Variants in TRMT11 observed in about 807,000 individuals in gnomAD.
TRMT11 encodes the protein tRNA methyltransferase 11, also known as tRNA (guanine(10)-N(2))-methyltransferase TRMT11.
Under a neutral mutation model 62.8 loss-of-function variants are expected in TRMT11, and 53 were observed. The ratio of observed to expected loss-of-function variants is 0.84; its 90% CI spans 0.68 to 1.06. TRMT11 has a LOEUF of 1.06. Ranked by LOEUF, TRMT11 falls within the 50% of genes least tolerant of loss-of-function variation. The pLI is 0.00. For missense variants in TRMT11, 556 were observed against 553.4 expected (o/e 1.00, Z -0.05); for synonymous variants, 188 against 190.3 (o/e 0.99, Z 0.10).
chr6:126,213,106 T>A, the TRMT11 span, among the ~76,000 whole-genome samples: 1 of 152,122 alleles, frequency 6.6e-6, no homozygotes, highest in East Asian at 1.9e-4. Flanking sequence ...TACCAGGTTC[T>A]CTATTCTGTT....
chr6:126,193,605 G>A (rs966474561), intron 1 of TRMT11, among the ~76,000 whole-genome samples: 2 of 145,582 alleles, frequency 1.4e-5, no homozygotes, highest in Non-Finnish European at 3.0e-5. Context: ...CCATTCTCCT[G>A]CCTCAGCCTC....
intron 21 of TRMT11, among the ~76,000 whole-genome samples, chr6:126,160,704 A>G (rs530195192): frequency 3.3e-5 from 5 of 152,242 alleles, no homozygotes; most frequent in Admixed American, 1.3e-4. Context: ...CCTCACAGAC[A>G]TGACGAGACC....
rs1361748026 is a variant in TRMT11 at position 126,184,858 on chromosome 6, A to T, written n.143+7523A>T. On this transcript the variant is annotated intron_variant and non_coding_transcript_variant, in intron 1 of 3. Coordinates refer to the TRMT11 transcript ENST00000444229. ...ATAGTAACTAGGGTTAAATGCAATCAGAGGCAGCCTGACAAAGAATTTCCT... is the reference window on the plus strand; with the variant it reads ...ATAGTAACTAGGGTTAAATGCAATCTGAGGCAGCCTGACAAAGAATTTCCT... Among the ~76,000 whole-genome samples the T allele has an allele frequency of 2.0e-5, 3 of 152,228 alleles. No individual in the cohort carries two copies. The East Asian group carries it at 5.8e-4, about 29-fold the overall frequency.
At chr6:126,158,341 A>G (rs1166751256) in intron 21 of TRMT11, among the ~76,000 whole-genome samples, 1 of 152,142 alleles carries the variant, frequency 6.6e-6, no homozygotes, top group Non-Finnish European at 1.5e-5. Flanking sequence ...TGCTCATGGT[A>G]TAGTTTGGTA....
intron 16 of TRMT11, among the ~76,000 whole-genome samples, chr6:126,052,444 T>C (rs1776246399): frequency 6.6e-6 from 1 of 152,154 alleles, no homozygotes; most frequent in Non-Finnish European, 1.5e-5. Flanking sequence ...ACATAAAAAT[T>C]ACAGAGTAGG....
At chr6:125,986,842 A>G (rs1038451575) in intron 1 of TRMT11, 3 of 544,176 alleles carry the variant, frequency 5.5e-6, no homozygotes, top group African/African-American at 1.9e-5. Context: ...TAAACTTTTC[A>G]TTCTTTTGCC....
At chr6:126,183,543 A>G (rs1778492235) in intron 1 of TRMT11, among the ~76,000 whole-genome samples, 1 of 152,316 alleles carries the variant, frequency 6.6e-6, no homozygotes, top group Admixed American at 6.5e-5. Context: ...CTACTTGGGC[A>G]GTTTAGAAGA....
intron 21 of TRMT11, among the ~76,000 whole-genome samples, chr6:126,139,592 C>T (rs1777891103): frequency 6.6e-6 from 1 of 152,086 alleles, no homozygotes; most frequent in Non-Finnish European, 1.5e-5. Context: ...TGGTCTTGAA[C>T]TCTTGACCTC....
chr6:126,121,725 G>A (rs536476070), intron 21 of TRMT11, among the ~76,000 whole-genome samples: 1 of 152,086 alleles, frequency 6.6e-6, no homozygotes, highest in African/African-American at 2.4e-5. Context: ...TGAGGACAGA[G>A]AATCCATCAT....
intron 17 of TRMT11, among the ~76,000 whole-genome samples, chr6:126,077,132 C>T (rs556857262): frequency 6.6e-6 from 1 of 152,300 alleles, no homozygotes; most frequent in South Asian, 2.1e-4. Flanking sequence ...AGAAGATATG[C>T]AATAACTTTC....
At chr6:125,986,679 G>C in intron 1 of TRMT11, 57 bp downstream of exon 1, 1 of 1,495,422 alleles carries the variant, frequency 6.7e-7, no homozygotes, top group Non-Finnish European at 9.1e-7. Context: ...GAGTGGAGTG[G>C]AGTGGGTGGA....
At chr6:126,172,637 G>A (rs776391277), upstream of TRMT11, among the ~76,000 whole-genome samples, 10 of 152,064 alleles carry the variant, frequency 6.6e-5, no homozygotes, top group South Asian at 2.1e-4. Context: ...TACTGTTAGC[G>A]TGACTTTGTG....
chr6:126,007,338 A>G (rs1446171046), intron 7 of TRMT11, among the ~76,000 whole-genome samples: 1 of 152,004 alleles, frequency 6.6e-6, no homozygotes, highest in Non-Finnish European at 1.5e-5. Context: ...GGCACTACCC[A>G]TCTTAGTTAC....
intron 12 of TRMT11, among the ~76,000 whole-genome samples, chr6:126,024,748 G>T (rs1772728975): frequency 6.6e-6 from 1 of 152,162 alleles, no homozygotes. Flanking sequence ...GGAGTCTGTT[G>T]TACGTTAGAG....
At chr6:126,051,016 C>T (rs1345233644) in intron 16 of TRMT11, among the ~76,000 whole-genome samples, 1 of 152,196 alleles carries the variant, frequency 6.6e-6, no homozygotes, top group Non-Finnish European at 1.5e-5. Context: ...TGGGAACATG[C>T]AGGCAAGGAA....
At chr6:126,000,319 T>C (rs1046979319) in intron 7 of TRMT11, among the ~76,000 whole-genome samples, 1 of 152,110 alleles carries the variant, frequency 6.6e-6, no homozygotes, top group African/African-American at 2.4e-5. Context: ...AAGCTCATTG[T>C]GGCTCATTTT....
the TRMT11 span, among the ~76,000 whole-genome samples, chr6:126,250,590 A>G: frequency 6.6e-6 from 1 of 152,102 alleles, no homozygotes; most frequent in Non-Finnish European, 1.5e-5. Flanking sequence ...CATCAAAAAC[A>G]TTTTCTTGGA....
At chr6:126,044,668 G>A (rs764772990) in intron 16 of TRMT11, among the ~76,000 whole-genome samples, 29 of 152,148 alleles carry the variant, frequency 1.9e-4, no homozygotes, top group Middle Eastern at 3.4e-3. Flanking sequence ...TCTCCCCCTC[G>A]CTTTTAACTT....
chr6:126,175,799 A>G (rs528222375), upstream of TRMT11, among the ~76,000 whole-genome samples: 47 of 152,330 alleles, frequency 3.1e-4, no homozygotes, highest in African/African-American at 1.1e-3. Flanking sequence ...GATTGTTAGA[A>G]CTAAAGTTAG....
Sources: allele counts gnomAD v4.1 joint callset (sites outside exome capture counted in the v4.1 genomes callset), GRCh38; gene constraint gnomAD v4.1.1; transcripts MANE v1.5; gene names NCBI Gene and HGNC (gene_info 2026-07-23, HGNC 2026-07-21).